The following FUT8 variants were observed in gnomAD, a reference collection of about 807,000 sequenced individuals.
FUT8 encodes the protein fucosyltransferase 8.
FUT8 carries 29 observed loss-of-function variants against 71.3 expected under a neutral mutation model. The ratio of observed to expected loss-of-function variants is 0.41; its 90% confidence interval spans 0.30 to 0.55. FUT8 has a LOEUF of 0.55. Among genes scored for constraint, FUT8 ranks in the 20% least tolerant of loss-of-function variants. The pLI is 0.34. For missense variants in FUT8, 544 were observed against 702.1 expected (o/e 0.77, Z 2.55); for synonymous variants, 254 against 239.3 (o/e 1.06, Z -0.57).
chr14:65,601,185 C>T (rs1888271393), intron 3 of FUT8, among the ~76,000 whole-genome samples: 1 of 152,096 alleles, frequency 6.6e-6, no homozygotes, highest in African/African-American at 2.4e-5. Flanking sequence ...AATAAATTCA[C>T]ACTTTTGCAC....
rs189374201 is a variant in FUT8, at chr14:65,523,030, C to T, written c.-227-38307C>T. On this transcript the variant is annotated intron_variant, in intron 2 of 10. Transcript: ENST00000673929. ...CTATTGTTAATAGTGTCGCAATAAA[C>T]GTAACGTGTGCATGTGTCTTTATAG... Among the ~76,000 whole-genome samples the T allele has an allele frequency of 5.6e-4, 85 of 152,204 alleles. 1 individual carries two copies. The East Asian group carries it at 0.01, about 19-fold the overall frequency.
chr14:65,493,860 A>G (rs1566783207), intron 2 of FUT8, among the ~76,000 whole-genome samples: 1 of 151,980 alleles, frequency 6.6e-6, no homozygotes, highest in South Asian at 2.1e-4. Flanking sequence ...AAGGCTGGTA[A>G]TTTGGGTGGA....
At chr14:65,359,366 AT>A in the FUT8 span, among the ~76,000 whole-genome samples, 1 of 152,182 alleles carries the variant, frequency 6.6e-6, no homozygotes, top group Non-Finnish European at 1.5e-5. Flanking sequence ...CATTTTAACT[AT>A]TTTTAAGTGT....
chr14:65,445,362 C>A (rs1399891765), intron 1 of FUT8, among the ~76,000 whole-genome samples: 1 of 152,156 alleles, frequency 6.6e-6, no homozygotes, highest in African/African-American at 2.4e-5. Context: ...TTGGACTTAC[C>A]AGCCTCCAGA....
At chr14:65,620,886 G>A (rs1594826665) in intron 5 of FUT8, among the ~76,000 whole-genome samples, 1 of 152,172 alleles carries the variant, frequency 6.6e-6, no homozygotes, top group Non-Finnish European at 1.5e-5. Context: ...ATATTCATGT[G>A]CAAAGGGATA....
At position 65,742,249 on chromosome 14, in the gene FUT8, A is replaced by T; in HGVS notation, c.1567A>T (p.Met523Leu). 2 of 1,613,094 alleles carry T rather than the reference A, an allele frequency of 1.2e-6. No individual in the cohort carries two copies. The highest frequency in any genetic ancestry group is 1.7e-6 in the Non-Finnish European group (2 of 1,179,374). ...ACCCCGAACTGCAGATGAAATTCCC[A>T]TGGAACCTGGAGATATCATTGGTGT... ...HQPRTADEIPMEPGDIIGVAG... is the reference protein window; with the variant it reads ...HQPRTADEIPLEPGDIIGVAG... Residue 523 changes from methionine (M) to leucine (L), a missense_variant, in exon 11 of 11, where the codon ATG becomes TTG. By Grantham distance (15) the Met-to-Leu change is conservative. Transcript: ENST00000673929.
intron 7 of FUT8, among the ~76,000 whole-genome samples, chr14:65,689,634 G>T (rs1181588261): frequency 6.6e-6 from 1 of 152,164 alleles, no homozygotes; most frequent in Non-Finnish European, 1.5e-5. Flanking sequence ...TGCCTCCCGG[G>T]TTCAAGCAAT....
At chr14:65,614,521 A>G (rs778518694) in intron 3 of FUT8, among the ~76,000 whole-genome samples, 5 of 152,198 alleles carry the variant, frequency 3.3e-5, no homozygotes, top group African/African-American at 1.2e-4. Context: ...GTTTCACTGC[A>G]CTGAAACCAA....
At position 65,690,536 on chromosome 14, in the gene FUT8, A is replaced by G. The variant is rs564831778; in HGVS notation, c.835+21056A>G. Among the ~76,000 whole-genome samples the G allele has an allele frequency of 1.4e-4, 22 of 152,128 alleles. 1 individual carries two copies. The South Asian group carries it at 4.6e-3, about 32-fold the overall frequency. On this transcript the variant is annotated intron_variant, in intron 7 of 10. Transcript: ENST00000673929. The stretch of plus-strand genomic sequence containing the variant: ...ACCTGGAATAGCTCTTTATTTATTT[A>G]GATTTTCTTTGGTTTCTTTCTTCAG...
At chr14:65,684,386 C>T (rs779213849) in intron 7 of FUT8, among the ~76,000 whole-genome samples, 34 of 151,876 alleles carry the variant, frequency 2.2e-4, no homozygotes, top group Non-Finnish European at 4.3e-4. Flanking sequence ...GCTAAGATGA[C>T]GAAAAGGGAA....
intron 2 of FUT8, among the ~76,000 whole-genome samples, chr14:65,520,138 A>G (rs1448771555): frequency 6.6e-6 from 1 of 152,234 alleles, no homozygotes; most frequent in African/African-American, 2.4e-5. Context: ...TTTAAAATGA[A>G]TAATAGCATT....
At chr14:65,384,587 T>C in the FUT8 span, among the ~76,000 whole-genome samples, 1 of 152,232 alleles carries the variant, frequency 6.6e-6, no homozygotes, top group African/African-American at 2.4e-5. This position sits in a 1 kb window ranked among gnomAD's most constrained non-coding sequence, Gnocchi z 4.2. Context: ...GTCAGATTTA[T>C]GATACAATTA....
chr14:65,548,558 G>A (rs991704276), intron 2 of FUT8, among the ~76,000 whole-genome samples: 34 of 151,308 alleles, frequency 2.2e-4, no homozygotes, highest in African/African-American at 7.8e-4. Flanking sequence ...TTAATTTTTT[G>A]TGGAAAAATA....
intron 3 of FUT8, among the ~76,000 whole-genome samples, chr14:65,606,073 GT>G (rs34986420): frequency 0.52 from 61,493 of 117,594 alleles, 13,140 homozygotes; most frequent in East Asian, 0.73. Flanking sequence ...AAAATTGTTA[GT>G]TTTTTTTTTT....
intron 1 of FUT8, among the ~76,000 whole-genome samples, chr14:65,438,136 CAAGT>C (rs1352639934): frequency 1.3e-5 from 2 of 152,154 alleles, no homozygotes; most frequent in African/African-American, 4.8e-5. Context: ...TTTCCTCTCT[CAAGT>C]AAGAATATAT....
intron 5 of FUT8, among the ~76,000 whole-genome samples, chr14:65,620,930 T>G (rs1889575237): frequency 6.6e-6 from 1 of 152,252 alleles, no homozygotes; most frequent in African/African-American, 2.4e-5. Context: ...ATTCTGCTCA[T>G]CACTTAGTCT....
chr14:65,437,345 GAAAT>G (rs1378188056), intron 1 of FUT8, among the ~76,000 whole-genome samples: 2 of 152,138 alleles, frequency 1.3e-5, no homozygotes, highest in Admixed American at 6.5e-5. Flanking sequence ...AATTAGGAAA[GAAAT>G]AAGAATTTAT....
chr14:65,500,554 AAC>A (rs1188665400), intron 2 of FUT8, among the ~76,000 whole-genome samples: 1 of 152,190 alleles, frequency 6.6e-6, no homozygotes, highest in African/African-American at 2.4e-5. Context: ...AGCTGGTTAG[AAC>A]TCTTAAACTG....
intron 3 of FUT8, among the ~76,000 whole-genome samples, chr14:65,570,840 C>G (rs1187837989): frequency 6.6e-6 from 1 of 152,078 alleles, no homozygotes; most frequent in South Asian, 2.1e-4. Flanking sequence ...TAGACAAGAT[C>G]GAAAACCTGA....
Sources: allele counts gnomAD v4.1 joint callset (sites outside exome capture counted in the v4.1 genomes callset), GRCh38; gene constraint gnomAD v4.1.1; non-coding constraint Gnocchi (gnomAD v3.1); transcripts MANE v1.5; gene names NCBI Gene and HGNC (gene_info 2026-07-23, HGNC 2026-07-21).